The following CTNNB1 variants were observed in gnomAD, a reference collection of about 807,000 sequenced individuals.
CTNNB1 encodes catenin beta 1, also known as catenin beta-1.
In CTNNB1, 6 loss-of-function variants were observed where a neutral mutation model predicts 82.5. The observed-to-expected ratio is 0.07, with a 90% confidence interval of 0.04 to 0.14. The LOEUF is 0.14. Ranked by LOEUF, CTNNB1 falls within the 10% of genes least tolerant of loss-of-function variation. The pLI is 1.00. For missense variants in CTNNB1, 529 were observed against 980.4 expected (o/e 0.54, Z 6.15); for synonymous variants, 312 against 329.7 (o/e 0.95, Z 0.58).
chr3:41,222,613 T>G (rs1017711681), intron 1 of CTNNB1, among the ~76,000 whole-genome samples: 1 of 152,250 alleles, frequency 6.6e-6, no homozygotes, highest in Non-Finnish European at 1.5e-5. Context: ...TAAATTGCGG[T>G]CAAGTTACTA....
intron 7 of CTNNB1, among the ~76,000 whole-genome samples, chr3:41,227,897 C>T (rs1047115261): frequency 6.6e-6 from 1 of 152,140 alleles, no homozygotes; most frequent in African/African-American, 2.4e-5. Flanking sequence ...AAGTAGGCCC[C>T]AGTGTCTGTT....
At chr3:41,234,470 C>A in intron 10 of CTNNB1, 173 bp downstream of exon 10, 1 of 699,140 alleles carries the variant, frequency 1.4e-6, no homozygotes, top group Non-Finnish European at 2.5e-6. Context: ...GAAAATAAGG[C>A]ATAGTGTGGC....
At chr3:41,220,545 T>C (rs1421883390) in intron 1 of CTNNB1, 1 of 152,098 alleles carries the variant, frequency 6.6e-6, no homozygotes, top group Non-Finnish European at 1.5e-5. Flanking sequence ...TTGCATACAT[T>C]TTCTAGATGG....
At chr3:41,238,219 T>A in intron 14 of CTNNB1, 143 bp downstream of exon 14, 1 of 743,138 alleles carries the variant, frequency 1.3e-6, no homozygotes, top group Non-Finnish European at 2.4e-6. Context: ...TAAATTCCAG[T>A]CAGCAACAGT....
At chr3:41,232,577 TCTA>T (rs2078336578) in intron 7 of CTNNB1, among the ~76,000 whole-genome samples, 1 of 151,884 alleles carries the variant, frequency 6.6e-6, no homozygotes, top group Admixed American at 6.6e-5. Flanking sequence ...GCGAAGTTAA[TCTA>T]CTATGTGGGC....
chr3:41,202,283 G>A (rs912060881), intron 1 of CTNNB1, among the ~76,000 whole-genome samples: 1 of 152,110 alleles, frequency 6.6e-6, no homozygotes, highest in Non-Finnish European at 1.5e-5. Flanking sequence ...TGAGTAGGTG[G>A]TAAGTTTTAA....
At position 41,225,237 on chromosome 3, in the gene CTNNB1, C is replaced by T. The variant is rs1052240748; in HGVS notation, c.495+30C>T. On this transcript the variant is annotated intron_variant, in intron 4 of 14. Coordinates refer to ENST00000349496, the MANE Select transcript of CTNNB1 (RefSeq NM_001904.4). The surrounding 1 kb of genome is among the most constrained non-coding windows in gnomAD (Gnocchi z 5.3). ...GCAATGACATAGCTAGCTTTTTAGT[C>T]TGCTTTGAAGTAAATGCTCAAGGGG... 1.1e-5 allele frequency: 17 copies of T among 1,613,894 alleles called. No individual in the cohort carries two copies. Among genetic ancestry groups the T allele is most frequent in the Non-Finnish European group, 1.1e-5 (13 of 1,179,978 alleles).
intron 1 of CTNNB1, among the ~76,000 whole-genome samples, chr3:41,205,328 G>A (rs190809271): frequency 3.2e-4 from 49 of 152,242 alleles, no homozygotes; most frequent in African/African-American, 1.0e-3. Flanking sequence ...ATGGCAAATG[G>A]CTTTTTGGCC....
intron 11 of CTNNB1, chr3:41,236,087 T>TAGAC (rs1225294852): frequency 1.5e-6 from 1 of 682,402 alleles, no homozygotes; most frequent in Non-Finnish European, 2.5e-6. Flanking sequence ...AGGCAGGGCA[T>TAGAC]AGACCCCCAA....
rs1352792507 is a variant in CTNNB1 at position 41,239,904 on chromosome 3, C to G, written c.*562C>G. On this transcript the variant is annotated 3_prime_UTR_variant, in exon 15 of 15. Coordinates refer to ENST00000349496, the MANE Select transcript of CTNNB1 (RefSeq NM_001904.4). ...ATCACAAGATGGAATTTATCAAACC[C>G]TAGCCTTGCTTGTTAAATTTTTTTT... 9.3e-5 allele frequency: 20 copies of G among 214,444 alleles called. No homozygotes were observed. In the East Asian group the frequency reaches 1.2e-3, roughly 13 times the overall value. 13.3% of individuals were successfully genotyped at this position (214,444 alleles called of 1,614,324 possible). A position where few individuals can be genotyped will look rare whatever the true frequency, so the allele number is the denominator to read the frequency against.
At chr3:41,231,336 A>T (rs1040031725) in intron 7 of CTNNB1, among the ~76,000 whole-genome samples, 3 of 151,860 alleles carry the variant, frequency 2.0e-5, no homozygotes, top group African/African-American at 7.3e-5. Flanking sequence ...CAAAAAAAAA[A>T]AAAAGGGAAA....
chr3:41,206,309 C>T (rs1304741838), intron 1 of CTNNB1, among the ~76,000 whole-genome samples: 1 of 152,062 alleles, frequency 6.6e-6, no homozygotes, highest in African/African-American at 2.4e-5. Flanking sequence ...ATGCTGGTAG[C>T]TGAGTTGGAA....
In CTNNB1 at chr3:41,239,130, C is replaced by T. The variant is rs2078512143; in HGVS notation, c.2138-4C>T. On this transcript the variant is annotated splice_region_variant and splice_polypyrimidine_tract_variant and intron_variant, in intron 14 of 14. Transcript: ENST00000349496. Reference sequence around the variant, plus strand: ...CTATTTTGTTGACACCCTGACTCTTCTAGATCCTAGCTATCGTTCTTTTCA... The same window carrying T: ...CTATTTTGTTGACACCCTGACTCTTTTAGATCCTAGCTATCGTTCTTTTCA... The T allele has an allele frequency of 1.2e-6, 2 of 1,613,418 alleles. No individual in the cohort carries two copies. The highest frequency in any genetic ancestry group is 8.5e-7 in the Non-Finnish European group (1 of 1,179,674).
intron 1 of CTNNB1, among the ~76,000 whole-genome samples, chr3:41,205,262 T>G (rs1052451665): frequency 6.6e-6 from 1 of 152,236 alleles, no homozygotes; most frequent in Admixed American, 6.5e-5. Context: ...ATCCAAAACT[T>G]AAAAACAGTT....
rs751015421 is a variant in CTNNB1 at position 41,225,583 on chromosome 3, A to G, written c.734+11A>G. On this transcript the variant is annotated intron_variant, in intron 5 of 14. Transcript: ENST00000349496. This position sits in a 1 kb window ranked among gnomAD's most constrained non-coding sequence, Gnocchi z 5.3. ...GGTGAAAATGCTTGGGTAAGAAAAC[A>G]TGTCAGAATGCTTGAAGCTAAAAAG... 6.2e-7 allele frequency: 1 copy of G among 1,614,078 alleles called. No homozygotes were observed. The highest frequency in any genetic ancestry group is 8.5e-7 in the Non-Finnish European group (1 of 1,179,944).
At chr3:41,224,293 G>A (rs2078121130) in intron 2 of CTNNB1, 2 of 716,438 alleles carry the variant, frequency 2.8e-6, no homozygotes, top group Admixed American at 4.6e-5. Context: ...TCTGGAGCCT[G>A]GATGCAGTAC....
chr3:41,235,452 G>A (rs1325288638), intron 10 of CTNNB1: 1 of 506,882 alleles, frequency 2.0e-6, no homozygotes, highest in Admixed American at 3.3e-5. Flanking sequence ...AATGATTGGT[G>A]CCCTTACTGT....
chr3:41,225,897 C>T lies in CTNNB1; in HGVS notation c.936+36C>T. 1 of 1,555,250 alleles carries T rather than the reference C, an allele frequency of 6.4e-7. No individual in the cohort carries two copies. Among genetic ancestry groups the T allele is most frequent in the South Asian group, 1.1e-5 (1 of 89,146 alleles). On this transcript the variant is annotated intron_variant, in intron 6 of 14. Coordinates refer to ENST00000349496, the MANE Select transcript of CTNNB1 (RefSeq NM_001904.4). This position sits in a 1 kb window ranked among gnomAD's most constrained non-coding sequence, Gnocchi z 5.3. ...TATTCTTTATGTGGTTTTCATGGAG[C>T]ATTGGACACCTCCAGTGTCATGTCA...
In CTNNB1 at chr3:41,233,273, C is replaced by A. The variant is rs2691680; in HGVS notation, c.1082-68C>A. 1,336,585 of 1,337,860 alleles carry A rather than the reference C, an allele frequency of 1. 667,669 individuals are homozygous for A. The highest frequency in any genetic ancestry group is 1 in the Non-Finnish European group (931,624 of 931,638). 82.9% of individuals were successfully genotyped at this position (1,337,860 alleles called of 1,614,324 possible). A position where few individuals can be genotyped will look rare whatever the true frequency, so the allele number is the denominator to read the frequency against. On this transcript the variant is annotated intron_variant, in intron 7 of 14. Transcript: ENST00000349496. ...AGAAGGACACCTCCTAAGGCTAGAA[C>A]AGATATTTAGGATTGATAGGCACTT...
Sources: gnomAD v4.1 joint callset for allele counts (sites outside exome capture counted in the v4.1 genomes callset) on GRCh38, gnomAD v4.1.1 for gene constraint, Gnocchi (gnomAD v3.1) non-coding constraint, MANE v1.5 for transcripts, NCBI Gene and HGNC (gene_info 2026-07-23, HGNC 2026-07-21) for gene names.